FXN: variants seen among roughly 807,000 people sequenced by gnomAD.
FXN encodes frataxin, mitochondrial.
A neutral mutation model predicts 22.4 loss-of-function variants in FXN; 14 were observed. That is an observed-to-expected ratio of 0.62 (90% CI 0.41 to 0.98). The LOEUF is 0.98. Among genes scored for constraint, FXN ranks in the 50% least tolerant of loss-of-function variants. FXN has a pLI of 0.00. For missense variants in FXN, 267 were observed against 268.4 expected, an observed-to-expected ratio of 0.99 and a Z score of 0.04; for synonymous variants, 120 against 114.1, an observed-to-expected ratio of 1.05 and a Z score of -0.33.
intron 4 of FXN, among the ~76,000 whole-genome samples, chr9:69,070,900 G>A (rs1832261905): frequency 1.3e-5 from 2 of 150,636 alleles, no homozygotes; most frequent in Non-Finnish European, 3.0e-5. Flanking sequence ...GAAACTCGTG[G>A]CTTCAAGCAA....
rs1832357120 is a variant in FXN, at chr9:69,075,865, T to A, written c.*3103T>A. 1 of 542,302 alleles carries A rather than the reference T, an allele frequency of 1.8e-6. No homozygotes were observed. The highest frequency in any genetic ancestry group is 2.1e-5 in the African/African-American group (1 of 48,268). 33.6% of individuals were successfully genotyped at this position (542,302 alleles called of 1,614,324 possible). Reference sequence around the variant, plus strand: ...TCCCACAGGTGTGCACCTCCATAGCTGGCTAATTTGTGTATTTTTTGTAGA... The same window carrying A: ...TCCCACAGGTGTGCACCTCCATAGCAGGCTAATTTGTGTATTTTTTGTAGA... On this transcript the variant is annotated 3_prime_UTR_variant, in exon 5 of 5. Transcript: ENST00000484259.
intron 3 of FXN, among the ~76,000 whole-genome samples, chr9:69,061,064 G>A (rs1249920391): frequency 2.6e-5 from 4 of 152,154 alleles, no homozygotes; most frequent in Admixed American, 6.5e-5. Context: ...GGTGCCAGGG[G>A]GTGAAAATAG....
At chr9:69,039,902 G>A (rs577787834) in intron 1 of FXN, among the ~76,000 whole-genome samples, 11 of 152,206 alleles carry the variant, frequency 7.2e-5, no homozygotes, top group African/African-American at 1.7e-4. Context: ...GTATTGAGGC[G>A]GCACCGGGCG....
intron 4 of FXN, among the ~76,000 whole-genome samples, chr9:69,070,756 T>C (rs1832259157): frequency 6.6e-6 from 1 of 152,046 alleles, no homozygotes; most frequent in Non-Finnish European, 1.5e-5. Flanking sequence ...CCTTTCACAT[T>C]GGTTCAAAAT....
Position 69,046,375 on chromosome 9 carries a change from T to C in FXN, c.166-10T>C. On this transcript the variant is annotated splice_polypyrimidine_tract_variant and intron_variant, in intron 1 of 4. Transcript: ENST00000484259. ...AAAATAGTAACGTACTTCTTAACTT[T>C]GGCTTTCAGAGTTCGAACCAACGTG... 1.2e-6 allele frequency: 2 copies of C among 1,605,728 alleles called. No homozygotes were observed. The highest frequency in any genetic ancestry group is 1.7e-6 in the Non-Finnish European group (2 of 1,172,346).
intron 3 of FXN, among the ~76,000 whole-genome samples, chr9:69,061,747 G>A (rs888879896): frequency 7.0e-6 from 1 of 143,110 alleles, no homozygotes; most frequent in African/African-American, 2.6e-5. Context: ...TCATTGTTCA[G>A]TTCCCACCTA....
chr9:69,037,284 A>AAAGAAG (rs193922938), intron 1 of FXN, among the ~76,000 whole-genome samples: 19,472 of 78,308 alleles, frequency 0.25, 2,634 homozygotes, highest in South Asian at 0.39. Flanking sequence ...AAAAAAAAAA[A>AAAGAAG]AAGAAGAAGA....
At position 69,052,775 on chromosome 9, in the gene FXN, C is replaced by T. The variant is rs528662486; in HGVS notation, c.264-365C>T. Among the ~76,000 whole-genome samples, 3 of 151,902 alleles carry T rather than the reference C, an allele frequency of 2.0e-5. No homozygotes were observed. In the East Asian group the frequency reaches 5.8e-4, roughly 30 times the overall value. On this transcript the variant is annotated intron_variant, in intron 2 of 4. Transcript: ENST00000484259. ...GCCAGGATGGTCTCGATCTCCTGAC[C>T]GTGTTATCTGCCTGCCTCGGCCTCC...
At chr9:69,063,061 G>C (rs926796188) in intron 3 of FXN, among the ~76,000 whole-genome samples, 1 of 152,084 alleles carries the variant, frequency 6.6e-6, no homozygotes, top group Non-Finnish European at 1.5e-5. Flanking sequence ...AATTAGACAG[G>C]TGTGGTGTCT....
Position 69,037,203 on chromosome 9 carries a change from C to T in FXN, c.165+1256C>T, listed in dbSNP as rs571163161. 2.2e-4 allele frequency among the ~76,000 whole-genome samples: 32 copies of T among 148,540 alleles called. No homozygotes were observed. In the East Asian group the frequency reaches 6.1e-3, roughly 29 times the overall value. On this transcript the variant is annotated intron_variant, in intron 1 of 4. Coordinates refer to ENST00000484259, the MANE Select transcript of FXN (RefSeq NM_000144.5). Reference sequence around the variant, plus strand: ...CTTTGGGAGGCCTAGGAAGGTGGATCACCTGAGGTCCGGAGTTCAAGACTA... The same window carrying T: ...CTTTGGGAGGCCTAGGAAGGTGGATTACCTGAGGTCCGGAGTTCAAGACTA...
At chr9:69,040,149 T>C (rs1831630422) in intron 1 of FXN, among the ~76,000 whole-genome samples, 1 of 152,184 alleles carries the variant, frequency 6.6e-6, no homozygotes, top group Non-Finnish European at 1.5e-5. Flanking sequence ...CATAGCATGC[T>C]GTCTCTTAAA....
At chr9:69,035,990 GGCCGCACGCCGCAC>G in intron 1 of FXN, 43 bp downstream of exon 1, 1 of 1,374,292 alleles carries the variant, frequency 7.3e-7, no homozygotes, top group Non-Finnish European at 9.4e-7. Flanking sequence ...GCACGCCGCG[GGCCGCACGCCGCAC>G]GCCTGCGCAG....
intron 2 of FXN, 72 bp from the exon 3 acceptor site, chr9:69,053,068 A>G (rs1831882614): frequency 2.1e-6 from 3 of 1,442,268 alleles, no homozygotes; most frequent in Non-Finnish European, 1.9e-6. Context: ...TAAATAACAA[A>G]TGTATAAATT....
intron 2 of FXN, among the ~76,000 whole-genome samples, chr9:69,048,551 G>A (rs905091306): frequency 6.6e-6 from 1 of 151,992 alleles, no homozygotes; most frequent in South Asian, 2.1e-4. Flanking sequence ...GCTGCAGTGA[G>A]CTGAGATCAT....
Position 69,073,883 on chromosome 9 carries a change from GA to G in FXN, c.*1125del. The stretch of plus-strand genomic sequence containing the variant: ...ATCGTGATTTCAGTTGAATTCATGT[GA>G]AAATAATAGCCATCCTTGGCCTGGC... On this transcript the variant is annotated 3_prime_UTR_variant, in exon 5 of 5. Transcript: ENST00000484259. 1.0e-6 allele frequency: 1 copy of G among 985,304 alleles called. No individual in the cohort carries two copies. 61.0% of individuals were successfully genotyped at this position (985,304 alleles called of 1,614,324 possible). A position where few individuals can be genotyped will look rare whatever the true frequency, so the allele number is the denominator to read the frequency against.
intron 1 of FXN, chr9:69,043,329 T>C (rs1234803254): frequency 6.6e-6 from 1 of 152,216 alleles, no homozygotes; most frequent in African/African-American, 2.4e-5. Context: ...ACGAGGAGGC[T>C]GTGATGTTCC....
chr9:69,068,787 C>T (rs903980254), intron 4 of FXN, among the ~76,000 whole-genome samples: 1 of 152,214 alleles, frequency 6.6e-6, no homozygotes, highest in African/African-American at 2.4e-5. Flanking sequence ...TTGACCATGC[C>T]AGAGGCCAGT....
At chr9:69,071,134 G>GT (rs1832266944) in intron 4 of FXN, 1 of 517,500 alleles carries the variant, frequency 1.9e-6, no homozygotes, top group South Asian at 1.4e-5. Flanking sequence ...CTCAGGCAGT[G>GT]TGGAGGGGTC....
Position 69,075,917 on chromosome 9 carries a change from C to A in FXN, c.*3155C>A. ...ATGGGGTTTCACCATGTTGCCCAGG[C>A]TGGTCTCTAACACTTAGGCTCAAGT... On this transcript the variant is annotated 3_prime_UTR_variant, in exon 5 of 5. Transcript: ENST00000484259. The A allele has an allele frequency of 1.5e-6, 1 of 655,278 alleles. No homozygotes were observed. Among genetic ancestry groups the A allele is most frequent in the Non-Finnish European group, 1.9e-6 (1 of 529,530 alleles). 40.6% of individuals were successfully genotyped at this position (655,278 alleles called of 1,614,324 possible).
Sources: gnomAD v4.1 joint callset for allele counts (sites outside exome capture counted in the v4.1 genomes callset) on GRCh38, gnomAD v4.1.1 for gene constraint, MANE v1.5 for transcripts, NCBI Gene and HGNC (gene_info 2026-07-23, HGNC 2026-07-21) for gene names.